The following RBFOX3 variants were observed in gnomAD, a reference collection of about 807,000 sequenced individuals.
RBFOX3 encodes the protein RNA binding protein fox-1 homolog 3.
Under a neutral mutation model 48.7 loss-of-function variants are expected in RBFOX3, and 17 were observed. That is an observed-to-expected ratio of 0.35 (90% CI 0.24 to 0.52). The LOEUF (loss-of-function observed/expected upper bound fraction) is 0.52. RBFOX3 is among the 20% of genes least tolerant of loss of function. RBFOX3 has a pLI of 0.94. For missense variants in RBFOX3, 382 were observed against 497.5 expected (o/e 0.77, Z 2.21); for synonymous variants, 212 against 209.5 (o/e 1.01, Z -0.10).
At chr17:79,590,144 G>C (rs1281638273) in intron 1 of RBFOX3, among the ~76,000 whole-genome samples, 13 of 151,974 alleles carry the variant, frequency 8.6e-5, no homozygotes, top group Non-Finnish European at 1.6e-4. Flanking sequence ...CACCCCCCAG[G>C]CCACACACTT....
the RBFOX3 span, among the ~76,000 whole-genome samples, chr17:79,629,076 G>T: frequency 6.6e-6 from 1 of 152,222 alleles, no homozygotes; most frequent in Non-Finnish European, 1.5e-5. Flanking sequence ...AGGCAGAGGG[G>T]CCCACAGGCA....
intron 1 of RBFOX3, among the ~76,000 whole-genome samples, chr17:79,548,561 C>G (rs543732137): frequency 6.6e-6 from 1 of 152,156 alleles, no homozygotes; most frequent in Non-Finnish European, 1.5e-5. Context: ...TCAGGAGGTC[C>G]GAGAAGTGCA....
chr17:79,125,525 G>C (rs887682270), intron 4 of RBFOX3, among the ~76,000 whole-genome samples: 1 of 152,260 alleles, frequency 6.6e-6, no homozygotes, highest in African/African-American at 2.4e-5. Flanking sequence ...CCCCCAGCCT[G>C]CGTGTGGGAC....
chr17:79,589,728 C>T (rs928752004), intron 1 of RBFOX3, among the ~76,000 whole-genome samples: 3 of 152,096 alleles, frequency 2.0e-5, no homozygotes, highest in Admixed American at 6.5e-5. Flanking sequence ...ACATGCACCC[C>T]GACACCCTCC....
Position 79,097,996 on chromosome 17 carries a change from T to C in RBFOX3, c.569-251A>G, listed in dbSNP as rs1599401510. 5.6e-6 allele frequency: 3 copies of C among 531,444 alleles called. No individual in the cohort carries two copies. In the East Asian group the frequency reaches 9.4e-5, roughly 17 times the overall value. 32.9% of individuals were successfully genotyped at this position (531,444 alleles called of 1,614,324 possible). On this transcript the variant is annotated intron_variant, in intron 9 of 14. Transcript: ENST00000693108. ...TTCCCAATTGTGATCCTCCTCAGCC[T>C]GCCCCTGAGCAACCCTCACCCCTGG...
intron 2 of RBFOX3, among the ~76,000 whole-genome samples, chr17:79,448,452 C>CAGAAGAGAAG (rs1188044548): frequency 5.9e-5 from 9 of 152,252 alleles, no homozygotes; most frequent in Non-Finnish European, 1.2e-4. Context: ...TCATAAGAAA[C>CAGAAGAGAAG]AGAAGAGAAG....
At chr17:79,246,921 A>G (rs2063250656) in intron 3 of RBFOX3, among the ~76,000 whole-genome samples, 1 of 152,168 alleles carries the variant, frequency 6.6e-6, no homozygotes, top group Non-Finnish European at 1.5e-5. Context: ...CACAGGGCAG[A>G]CGGCACCACT....
chr17:79,363,614 G>A lies in RBFOX3; in HGVS notation c.-174-55790C>T, dbSNP rs1392883771. Reference sequence around the variant, plus strand: ...CCGCGAGCAACATACCTCTTACCCAGGGGCCCAATCGAAGATCTAGGGCCT... The same window carrying A: ...CCGCGAGCAACATACCTCTTACCCAAGGGCCCAATCGAAGATCTAGGGCCT... On this transcript the variant is annotated intron_variant, in intron 2 of 14. Transcript: ENST00000693108. The surrounding 1 kb of genome is among the most constrained non-coding windows in gnomAD (Gnocchi z 4.7). Among the ~76,000 whole-genome samples the A allele has an allele frequency of 6.6e-6, 1 of 152,012 alleles. No individual in the cohort carries two copies. Among genetic ancestry groups the A allele is most frequent in the Non-Finnish European group, 1.5e-5 (1 of 67,980 alleles).
At chr17:79,277,863 C>A (rs2069289072) in intron 3 of RBFOX3, among the ~76,000 whole-genome samples, 1 of 152,184 alleles carries the variant, frequency 6.6e-6, no homozygotes, top group Admixed American at 6.5e-5. Context: ...CAGTCCTGCA[C>A]CTTGGGCAGG....
chr17:79,179,757 G>C (rs1378742128), intron 4 of RBFOX3, among the ~76,000 whole-genome samples: 1 of 152,220 alleles, frequency 6.6e-6, no homozygotes, highest in East Asian at 1.9e-4. Flanking sequence ...CTCCCAGAGA[G>C]TCCTGCTGAT....
chr17:79,241,176 C>CT (rs77856240), intron 3 of RBFOX3, among the ~76,000 whole-genome samples: 46,289 of 142,098 alleles, frequency 0.33, 7,504 homozygotes, highest in Middle Eastern at 0.41. Context: ...TCTATTTAAT[C>CT]TTTTTTTTTT....
chr17:79,374,077 G>T (rs1475981222), intron 2 of RBFOX3, among the ~76,000 whole-genome samples: 2 of 152,160 alleles, frequency 1.3e-5, no homozygotes, highest in African/African-American at 2.4e-5. Flanking sequence ...TGGCCAGGCT[G>T]GTCTCGCACT....
In RBFOX3 at chr17:79,382,079, C is replaced by T. The variant is rs888587067; in HGVS notation, c.-174-74255G>A. Reference sequence around the variant, plus strand: ...CCAGAAAGACTAAACTCACACACTGCGGGACCCACAGAATAGGAGACCGTG... The same window carrying T: ...CCAGAAAGACTAAACTCACACACTGTGGGACCCACAGAATAGGAGACCGTG... On this transcript the variant is annotated intron_variant, in intron 2 of 14. Transcript: ENST00000693108. Among the ~76,000 whole-genome samples the T allele has an allele frequency of 9.2e-5, 14 of 152,330 alleles. No individual in the cohort carries two copies. The South Asian group carries it at 2.3e-3, about 25-fold the overall frequency.
At chr17:79,161,503 G>T (rs1245305682) in intron 4 of RBFOX3, among the ~76,000 whole-genome samples, 2 of 152,288 alleles carry the variant, frequency 1.3e-5, no homozygotes, top group East Asian at 1.9e-4. Flanking sequence ...CCCCCTCGGG[G>T]GTGTGTGGAG....
the RBFOX3 span, among the ~76,000 whole-genome samples, chr17:79,665,528 G>A: frequency 6.6e-6 from 1 of 151,900 alleles, no homozygotes; most frequent in Admixed American, 6.6e-5. Context: ...GTATAAGTGG[G>A]GCCTTGTGCC....
At chr17:79,314,853 G>A (rs1382414112) in intron 2 of RBFOX3, among the ~76,000 whole-genome samples, 2 of 151,888 alleles carry the variant, frequency 1.3e-5, no homozygotes, top group East Asian at 3.9e-4. Flanking sequence ...TGTAGGGGAG[G>A]GGAACGGGGC....
intron 4 of RBFOX3, among the ~76,000 whole-genome samples, chr17:79,227,447 C>CA (rs2060441646): frequency 6.6e-6 from 1 of 152,206 alleles, no homozygotes. Context: ...TCGTCCAGGG[C>CA]AGGGGCTTTG....
chr17:79,297,592 T>A (rs569908102), intron 3 of RBFOX3, among the ~76,000 whole-genome samples: 6 of 152,348 alleles, frequency 3.9e-5, no homozygotes, highest in African/African-American at 1.4e-4. Flanking sequence ...TCTGGCCCAG[T>A]GCCTGCCACA....
At chr17:79,400,692 G>C (rs780858841) in intron 2 of RBFOX3, among the ~76,000 whole-genome samples, 5 of 152,202 alleles carry the variant, frequency 3.3e-5, no homozygotes, top group Non-Finnish European at 5.9e-5. Flanking sequence ...GGCTGTAAGC[G>C]GGGTGTCCCA....
Sources: allele counts gnomAD v4.1 joint callset (sites outside exome capture counted in the v4.1 genomes callset), GRCh38; gene constraint gnomAD v4.1.1; non-coding constraint Gnocchi (gnomAD v3.1); transcripts MANE v1.5; gene names NCBI Gene and HGNC (gene_info 2026-07-23, HGNC 2026-07-21).